ARHGEF26: variants seen among roughly 807,000 people sequenced by gnomAD.
ARHGEF26 encodes the protein Rho guanine nucleotide exchange factor 26.
Under a neutral mutation model 89.4 loss-of-function variants are expected in ARHGEF26, and 59 were observed. That is an observed-to-expected ratio of 0.66 (90% CI 0.54 to 0.82). The LOEUF is 0.82. ARHGEF26 is among the 40% of genes least tolerant of loss of function. The pLI, the probability that ARHGEF26 is intolerant of heterozygous loss-of-function variation, is 0.00. For missense variants in ARHGEF26, 1,234 were observed against 1,085.6 expected (o/e 1.14, Z -1.92); for synonymous variants, 500 against 428.4 (o/e 1.17, Z -2.06).
chr3:154,213,241 G>GTGTATGTATATA (rs1553747909), intron 9 of ARHGEF26, among the ~76,000 whole-genome samples: 1 of 145,560 alleles, frequency 6.9e-6, no homozygotes, highest in Non-Finnish European at 1.5e-5. Flanking sequence ...GTGTGTGTGT[G>GTGTATGTATATA]TATATATATA....
Position 154,122,061 on chromosome 3 carries a change from T to A in ARHGEF26, c.69T>A (p.Ile23=). 3 of 1,612,092 alleles carry A rather than the reference T, an allele frequency of 1.9e-6. No individual in the cohort carries two copies. The highest frequency in any genetic ancestry group is 2.5e-6 in the Non-Finnish European group (3 of 1,178,714). ...SITPLWRRRS[I]PQPHQVLGRS... ...CCCCTTTGTGGCGGAGGCGGTCGAT[T>A]CCTCAGCCCCACCAGGTTCTGGGCC... Residue 23 remains isoleucine (I), a synonymous_variant, in exon 2 of 15, where the codon ATT becomes ATA. Coordinates refer to ENST00000465093, the MANE Select transcript of ARHGEF26 (RefSeq NM_015595.4).
intron 4 of ARHGEF26, among the ~76,000 whole-genome samples, chr3:154,143,489 T>C (rs1719511623): frequency 6.6e-6 from 1 of 152,224 alleles, no homozygotes; most frequent in Admixed American, 6.5e-5. Context: ...TTAGCTCTTT[T>C]AACCAATTTC....
At position 154,122,892 on chromosome 3, in the gene ARHGEF26, C is replaced by A. The variant is rs1416849082; in HGVS notation, c.900C>A (p.Asn300Lys). ...CAGGGGAGGAGAGTGAGGTCGATAA[C>A]GACGTGGATAGCCCAGGGTCTCTGC... ...GHAGEESEVD[N>K]DVDSPGSLRR... The change falls in exon 2 of 15, where the codon AAC becomes AAA. Residue 300 changes from asparagine (N) to lysine (K), a missense_variant. Physicochemically the swap from Asn to Lys is moderately conservative, Grantham distance 94 (BLOSUM62 0). Coordinates refer to ENST00000465093, the MANE Select transcript of ARHGEF26 (RefSeq NM_015595.4). 1.9e-6 allele frequency: 3 copies of A among 1,612,848 alleles called. No homozygotes were observed. The highest frequency in any genetic ancestry group is 1.6e-4 in the Middle Eastern group (1 of 6,082).
chr3:154,212,096 TGGGAGGCTGA>T (rs1166804437), intron 9 of ARHGEF26, among the ~76,000 whole-genome samples: 1 of 152,160 alleles, frequency 6.6e-6, no homozygotes, highest in Non-Finnish European at 1.5e-5. Flanking sequence ...CCCAGCACTT[TGGGAGGCTGA>T]GGTAGGCGTA....
At chr3:154,218,337 C>T (rs940703544) in intron 10 of ARHGEF26, among the ~76,000 whole-genome samples, 3 of 152,100 alleles carry the variant, frequency 2.0e-5, no homozygotes, top group African/African-American at 7.2e-5. Context: ...CAGTGTTCTC[C>T]TAAATTAAAT....
intron 9 of ARHGEF26, among the ~76,000 whole-genome samples, chr3:154,207,434 G>A (rs1438480275): frequency 5.3e-5 from 8 of 151,950 alleles, no homozygotes; most frequent in African/African-American, 1.9e-4. Context: ...TAAAAAGCGG[G>A]CAAAGGACAT....
chr3:154,256,324 GT>G lies in ARHGEF26; in HGVS notation c.*852del, dbSNP rs1173256547. ...TGCAACCTCTGCTTCCTAGGTTCAA[GT>G]GATTCTCCTGCCTCAGCCTCCCAAG... On this transcript the variant is annotated 3_prime_UTR_variant, in exon 15 of 15. Coordinates refer to ENST00000465093, the MANE Select transcript of ARHGEF26 (RefSeq NM_015595.4). The G allele has an allele frequency of 1.1e-6, 1 of 918,554 alleles. No homozygotes were observed. The highest frequency in any genetic ancestry group is 1.3e-6 in the Non-Finnish European group (1 of 769,732). The allele number at this position is 918,554 out of a possible 1,614,324, so 56.9% of individuals were successfully genotyped here.
intron 10 of ARHGEF26, among the ~76,000 whole-genome samples, chr3:154,219,259 C>G (rs1715967047): frequency 6.6e-6 from 1 of 151,940 alleles, no homozygotes; most frequent in South Asian, 2.1e-4. Flanking sequence ...TTTTTCTTTT[C>G]CCTTCTTCAC....
At chr3:154,235,646 T>G (rs979464837) in intron 11 of ARHGEF26, among the ~76,000 whole-genome samples, 3 of 152,236 alleles carry the variant, frequency 2.0e-5, no homozygotes, top group Non-Finnish European at 4.4e-5. Flanking sequence ...TTTTTACTTT[T>G]ACTTGTAAAA....
At chr3:154,239,686 G>A (rs1717373772) in intron 11 of ARHGEF26, among the ~76,000 whole-genome samples, 1 of 152,122 alleles carries the variant, frequency 6.6e-6, no homozygotes, top group African/African-American at 2.4e-5. Flanking sequence ...GGGTACAGTG[G>A]AAGGGGTTCA....
intron 12 of ARHGEF26, among the ~76,000 whole-genome samples, 156 bp downstream of exon 12, chr3:154,240,735 A>C (rs1717438699): frequency 6.6e-6 from 1 of 152,116 alleles, no homozygotes; most frequent in Non-Finnish European, 1.5e-5. Context: ...ATTTTTACAG[A>C]TGTTGTTCTT....
chr3:154,146,426 C>CTAA (rs3029667), intron 4 of ARHGEF26, among the ~76,000 whole-genome samples: 100,177 of 151,754 alleles, frequency 0.66, 34,060 homozygotes, highest in Non-Finnish European at 0.75. Flanking sequence ...GGTGGAGTGT[C>CTAA]TAATTACCTT....
At chr3:154,173,818 T>C (rs1369079485) in intron 6 of ARHGEF26, among the ~76,000 whole-genome samples, 2 of 152,196 alleles carry the variant, frequency 1.3e-5, no homozygotes, top group Non-Finnish European at 2.9e-5. Flanking sequence ...AGCAGAAGTT[T>C]AATGAGTCCC....
At chr3:154,184,620 TA>T (rs1713405715) in intron 6 of ARHGEF26, among the ~76,000 whole-genome samples, 1 of 152,194 alleles carries the variant, frequency 6.6e-6, no homozygotes, top group African/African-American at 2.4e-5. Context: ...TTGAGTCTAT[TA>T]ATTTTATCTC....
chr3:154,177,871 G>T (rs985634456), intron 6 of ARHGEF26, among the ~76,000 whole-genome samples: 1 of 152,102 alleles, frequency 6.6e-6, no homozygotes, highest in Non-Finnish European at 1.5e-5. Flanking sequence ...TACAAGCCCC[G>T]GCCCTCCATC....
intron 9 of ARHGEF26, among the ~76,000 whole-genome samples, chr3:154,202,044 A>C (rs895877653): frequency 6.6e-6 from 1 of 152,108 alleles, no homozygotes; most frequent in African/African-American, 2.4e-5. Flanking sequence ...TTTTGTTGCC[A>C]TTTGTTTTGG....
Position 154,122,103 on chromosome 3 carries a change from C to G in ARHGEF26, c.111C>G (p.Pro37=). ...TTCTGGGCCGGAGCAAGCCGAGGCCCCAGTCCTACCAGAGCCCCAACGGGT... is the reference window on the plus strand; with the variant it reads ...TTCTGGGCCGGAGCAAGCCGAGGCCGCAGTCCTACCAGAGCCCCAACGGGT... The part of the protein sequence containing the change: ...HQVLGRSKPR[P]QSYQSPNGLL... The change falls in exon 2 of 15, where the codon CCC becomes CCG. Residue 37 remains proline (P), a synonymous_variant. Transcript: ENST00000465093. The G allele has an allele frequency of 6.2e-7, 1 of 1,610,542 alleles. No individual in the cohort carries two copies. Among genetic ancestry groups the G allele is most frequent in the South Asian group, 1.1e-5 (1 of 90,432 alleles).
chr3:154,213,243 A>ATG (rs1427341490), intron 9 of ARHGEF26, among the ~76,000 whole-genome samples: 1 of 97,300 alleles, frequency 1.0e-5, no homozygotes, highest in Non-Finnish European at 2.8e-5. Context: ...GTGTGTGTGT[A>ATG]TATATATATA....
rs202114850 is a variant in ARHGEF26 at position 154,122,315 on chromosome 3, T to C, written c.323T>C (p.Leu108Pro). The change falls in exon 2 of 15, where the codon CTT (leucine) becomes CCT (proline). Residue 108 changes from leucine (L) to proline (P), a missense_variant. Transcript: ENST00000465093. Reference sequence around the variant, plus strand: ...GAGTACAGGGCTGCCTCTCCTCGACTTCGACGGCCCAAGTCACCCAAGCTC... The same window carrying C: ...GAGTACAGGGCTGCCTCTCCTCGACCTCGACGGCCCAAGTCACCCAAGCTC... Reference protein sequence around the residue: ...SPEYRAASPRLRRPKSPKLPK... With the variant: ...SPEYRAASPRPRRPKSPKLPK... The C allele has an allele frequency of 1.1e-4, 170 of 1,612,798 alleles. No homozygotes were observed. The East Asian group carries it at 3.3e-3, about 31-fold the overall frequency.
Sources: gnomAD v4.1 joint callset for allele counts (sites outside exome capture counted in the v4.1 genomes callset) on GRCh38, gnomAD v4.1.1 for gene constraint, MANE v1.5 for transcripts, NCBI Gene and HGNC (gene_info 2026-07-23, HGNC 2026-07-21) for gene names.